LOXL2: variants seen among roughly 807,000 people sequenced by gnomAD.
The protein encoded by LOXL2 is lysyl oxidase homolog 2.
A neutral mutation model predicts 93.0 loss-of-function variants in LOXL2; 70 were observed. The ratio of observed to expected loss-of-function variants is 0.75; its 90% CI spans 0.62 to 0.92. The LOEUF (loss-of-function observed/expected upper bound fraction) is 0.92, where lower values mean the gene tolerates loss of function less well. Ranked by LOEUF, LOXL2 falls within the 40% of genes least tolerant of loss-of-function variation. The probability of loss-of-function intolerance (pLI) is 0.00; values close to 1 mark genes in which losing one functional copy is unlikely to be tolerated. For synonymous variants in LOXL2, 438 were observed against 413.2 expected, an observed-to-expected ratio of 1.06 and a Z score of -0.73; for missense variants, 973 against 1,054.9, an observed-to-expected ratio of 0.92 and a Z score of 1.08.
chr8:23,395,263 AAAAC>A (rs1186038778), intron 1 of LOXL2, among the ~76,000 whole-genome samples: 2 of 151,914 alleles, frequency 1.3e-5, no homozygotes, highest in Non-Finnish European at 2.9e-5. Flanking sequence ...AAAACAAAAC[AAAAC>A]AAAGAAACAA....
At chr8:23,318,737 G>A (rs976830201) in intron 8 of LOXL2, among the ~76,000 whole-genome samples, 2 of 152,218 alleles carry the variant, frequency 1.3e-5, no homozygotes, top group African/African-American at 4.8e-5. Flanking sequence ...GATTTAGAGA[G>A]TGCCCTGGCT....
intron 3 of LOXL2, among the ~76,000 whole-genome samples, chr8:23,357,507 A>C (rs1804219653): frequency 6.6e-6 from 1 of 152,120 alleles, no homozygotes; most frequent in Non-Finnish European, 1.5e-5. Flanking sequence ...TGTTAATTTA[A>C]TTGTTTGGGT....
intron 2 of LOXL2, among the ~76,000 whole-genome samples, chr8:23,360,599 G>A (rs1585370054): frequency 1.3e-5 from 2 of 152,196 alleles, no homozygotes; most frequent in East Asian, 1.9e-4. Flanking sequence ...CCACTTAGCT[G>A]TATAACCTTG....
chr8:23,358,009 C>A (rs528138103), intron 3 of LOXL2, among the ~76,000 whole-genome samples: 1 of 152,164 alleles, frequency 6.6e-6, no homozygotes, highest in Non-Finnish European at 1.5e-5. Context: ...ATAGCCCCTG[C>A]CCTCTGGGAG....
Position 23,297,721 on chromosome 8 carries a change from G to GTCGCCGTATCATTAAAAAATGA in LOXL2, c.*321_*322insTCATTTTTTAATGATACGGCGA. The stretch of plus-strand genomic sequence containing the variant: ...CACTGTGTCTGTGGTGAGCTCGGTG[G>GTCGCCGTATCATTAAAAAATGA]CTTGAATGGGACAAGCTGATGACAA... On this transcript the variant is annotated 3_prime_UTR_variant, in exon 14 of 14. Coordinates refer to ENST00000389131, the MANE Select transcript of LOXL2 (RefSeq NM_002318.3). The GTCGCCGTATCATTAAAAAATGA allele has an allele frequency of 3.8e-6, 1 of 265,834 alleles. No homozygotes were observed. The highest frequency in any genetic ancestry group is 7.2e-6 in the Non-Finnish European group (1 of 139,292). 16.5% of individuals were successfully genotyped at this position (265,834 alleles called of 1,614,324 possible).
chr8:23,369,175 G>A (rs140867332), intron 1 of LOXL2, among the ~76,000 whole-genome samples: 1 of 152,246 alleles, frequency 6.6e-6, no homozygotes, highest in African/African-American at 2.4e-5. Flanking sequence ...AGGAACATTT[G>A]CTAGATGAAT....
At chr8:23,396,531 C>T (rs563783165) in intron 1 of LOXL2, among the ~76,000 whole-genome samples, 2 of 152,248 alleles carry the variant, frequency 1.3e-5, no homozygotes, top group South Asian at 4.1e-4. Context: ...CTGGAATGAT[C>T]CTAGTGGTGA....
At chr8:23,328,118 T>C (rs547846076) in intron 6 of LOXL2, among the ~76,000 whole-genome samples, 106 of 152,230 alleles carry the variant, frequency 7.0e-4, no homozygotes, top group African/African-American at 2.5e-3. Context: ...GGAGTATTCA[T>C]TGGCTGCTAA....
intron 1 of LOXL2, among the ~76,000 whole-genome samples, chr8:23,374,982 G>T (rs1804564137): frequency 6.6e-6 from 1 of 152,160 alleles, no homozygotes; most frequent in Admixed American, 6.5e-5. Flanking sequence ...GGCTTTTGTT[G>T]CCATTGCTTT....
chr8:23,390,044 A>G (rs149436795), intron 1 of LOXL2, among the ~76,000 whole-genome samples: 7 of 152,214 alleles, frequency 4.6e-5, no homozygotes, highest in African/African-American at 1.7e-4. Flanking sequence ...TCCGCTTGAC[A>G]TTTCTGCCAG....
In LOXL2 at chr8:23,302,044, C is replaced by G; in HGVS notation, c.2116G>C (p.Gly706Arg). 1 of 1,614,172 alleles carries G rather than the reference C, an allele frequency of 6.2e-7. No individual in the cohort carries two copies. The highest frequency in any genetic ancestry group is 8.5e-7 in the Non-Finnish European group (1 of 1,180,012). Residue 706 changes from glycine (G) to arginine (R), a missense_variant, in exon 12 of 14, where the codon GGA becomes CGA. Physicochemically the swap from Gly to Arg is moderately radical, Grantham distance 125. Transcript: ENST00000389131. ...CACCTCACCTGGAACAGGTAGTCTC[C>G]AGGGGGCACGTCAGTGATGTCAACC... ...QWVDITDVPP[G>R]DYLFQVVINP...
At position 23,297,723 on chromosome 8, in the gene LOXL2, T is replaced by G; in HGVS notation, c.*320A>C. ...CTGTGTCTGTGGTGAGCTCGGTGGCTTGAATGGGACAAGCTGATGACAACC... is the reference window on the plus strand; with the variant it reads ...CTGTGTCTGTGGTGAGCTCGGTGGCGTGAATGGGACAAGCTGATGACAACC... On this transcript the variant is annotated 3_prime_UTR_variant, in exon 14 of 14. Coordinates refer to ENST00000389131, the MANE Select transcript of LOXL2 (RefSeq NM_002318.3). 3 of 207,726 alleles carry G rather than the reference T, an allele frequency of 1.4e-5. No homozygotes were observed. Among genetic ancestry groups the G allele is most frequent in the African/African-American group, 2.5e-5 (1 of 39,508 alleles). 12.9% of individuals were successfully genotyped at this position (207,726 alleles called of 1,614,324 possible).
chr8:23,359,675 TG>T (rs1804257133), intron 3 of LOXL2, among the ~76,000 whole-genome samples: 1 of 152,220 alleles, frequency 6.6e-6, no homozygotes. Flanking sequence ...TCTTTTCAGC[TG>T]CAAAACCTGG....
chr8:23,317,346 G>C (rs926306789), intron 8 of LOXL2, among the ~76,000 whole-genome samples: 2 of 152,196 alleles, frequency 1.3e-5, no homozygotes, highest in African/African-American at 4.8e-5. Context: ...CTCCCTCAGG[G>C]AAGTAGAGCT....
intron 6 of LOXL2, among the ~76,000 whole-genome samples, chr8:23,325,483 G>T (rs115905467): frequency 4.4e-4 from 67 of 152,136 alleles, no homozygotes; most frequent in African/African-American, 1.6e-3. Context: ...GTAGAGAGGG[G>T]GTCTCACTAT....
intron 5 of LOXL2, chr8:23,331,647 AGAG>A (rs1012781924): frequency 2.6e-5 from 4 of 152,218 alleles, no homozygotes; most frequent in African/African-American, 9.7e-5. Flanking sequence ...GGAAAAAGGA[AGAG>A]GAGGAGAAAG....
chr8:23,311,083 T>G (rs1348038130), intron 9 of LOXL2, among the ~76,000 whole-genome samples: 2 of 152,222 alleles, frequency 1.3e-5, no homozygotes, highest in Admixed American at 6.5e-5. Context: ...TTATAAATTT[T>G]AAGCAAGCAG....
chr8:23,320,268 G>A (rs1181247626), intron 7 of LOXL2, among the ~76,000 whole-genome samples: 1 of 152,216 alleles, frequency 6.6e-6, no homozygotes, highest in African/African-American at 2.4e-5. Flanking sequence ...AGCAGCTGGG[G>A]AGGCCCTGTG....
chr8:23,381,974 A>G (rs1038618474), intron 1 of LOXL2, among the ~76,000 whole-genome samples: 4 of 152,252 alleles, frequency 2.6e-5, no homozygotes, highest in Non-Finnish European at 5.9e-5. Flanking sequence ...GGCTCGGAGT[A>G]GACCCCTCAT....
Sources: allele counts gnomAD v4.1 joint callset (sites outside exome capture counted in the v4.1 genomes callset), GRCh38; gene constraint gnomAD v4.1.1; transcripts MANE v1.5; gene names NCBI Gene and HGNC (gene_info 2026-07-23, HGNC 2026-07-21).